DDHD1: variants seen among roughly 807,000 people sequenced by gnomAD.
DDHD1 encodes the protein DDHD domain containing 1.
DDHD1 carries 49 observed loss-of-function variants against 96.4 expected under a neutral mutation model. The ratio of observed to expected loss-of-function variants is 0.51; its 90% CI spans 0.40 to 0.64. DDHD1 has a LOEUF of 0.64. DDHD1 is among the 30% of genes least tolerant of loss of function. DDHD1 has a pLI of 0.00. For synonymous variants in DDHD1, 442 were observed against 446.5 expected (o/e 0.99, Z 0.13); for missense variants, 1,106 against 1,161.2 (o/e 0.95, Z 0.69).
At chr14:53,103,353 A>G (rs1887452844) in intron 2 of DDHD1, 2 of 361,022 alleles carry the variant, frequency 5.5e-6, no homozygotes, top group African/African-American at 4.2e-5. Context: ...ATATAACAAC[A>G]AGGAATTTTT....
At position 53,064,431 on chromosome 14, in the gene DDHD1, C is replaced by T. The variant is rs191035192; in HGVS notation, c.1504-1226G>A. 2.6e-4 allele frequency among the ~76,000 whole-genome samples: 40 copies of T among 152,036 alleles called. 1 individual carries two copies. The highest frequency in any genetic ancestry group is 2.6e-3 in the Admixed American group (40 of 15,268). ...GTTTTTATAAAATACCAGCTTACTC[C>T]CATATTAAAGTTTGTTAAAAAAGGA... On this transcript the variant is annotated intron_variant, in intron 6 of 12. Coordinates refer to ENST00000673822, the MANE Select transcript of DDHD1 (RefSeq NM_001160148.2).
intron 7 of DDHD1, among the ~76,000 whole-genome samples, chr14:53,061,895 G>T (rs548790320): frequency 6.6e-6 from 1 of 151,872 alleles, no homozygotes. Flanking sequence ...TGAGCCGGGC[G>T]TGGTAGCAGT....
intron 4 of DDHD1, among the ~76,000 whole-genome samples, chr14:53,084,595 A>G (rs1005214484): frequency 1.1e-4 from 16 of 152,226 alleles, no homozygotes; most frequent in African/African-American, 3.9e-4. Context: ...GAAAAGGATC[A>G]AGGTTGGCCT....
At position 53,103,958 on chromosome 14, in the gene DDHD1, AAC is replaced by A. The variant is rs375943259; in HGVS notation, c.839-104_839-103del. ...TATATTTTGCTACTGCTGTCACAAA[AAC>A]AGATTTTCATGACCCAATACAATCA... On this transcript the variant is annotated intron_variant, in intron 1 of 12. Coordinates refer to ENST00000673822, the MANE Select transcript of DDHD1 (RefSeq NM_001160148.2). The A allele has an allele frequency of 4.5e-5, 47 of 1,048,002 alleles. No homozygotes were observed. The East Asian group carries it at 1.1e-3, about 24-fold the overall frequency. The allele number at this position is 1,048,002 out of a possible 1,614,324, so 64.9% of individuals were successfully genotyped here. A position where few individuals can be genotyped will look rare whatever the true frequency, so the allele number is the denominator to read the frequency against.
chr14:53,081,617 C>A (rs1359568468), intron 4 of DDHD1, among the ~76,000 whole-genome samples: 1 of 152,112 alleles, frequency 6.6e-6, no homozygotes, highest in Admixed American at 6.5e-5. Flanking sequence ...AATGCACAGG[C>A]CAGCCATCAT....
At chr14:53,074,869 T>G (rs1478006995) in intron 4 of DDHD1, among the ~76,000 whole-genome samples, 1 of 152,188 alleles carries the variant, frequency 6.6e-6, no homozygotes, top group Non-Finnish European at 1.5e-5. Flanking sequence ...CAACAGCATG[T>G]GCTCACTCTG....
chr14:53,152,666 G>T lies in DDHD1; in HGVS notation c.433C>A (p.Arg145Ser). 1 of 1,612,866 alleles carries T rather than the reference G, an allele frequency of 6.2e-7. No homozygotes were observed. The highest frequency in any genetic ancestry group is 8.5e-7 in the Non-Finnish European group (1 of 1,179,810). The change falls in exon 1 of 13, where the codon CGT becomes AGT. Residue 145 changes from arginine to serine, a missense_variant. This residue lies in a region of DDHD1 where 456 missense variants were observed against 402.4 expected (regional missense o/e 1.13). Coordinates refer to ENST00000673822, the MANE Select transcript of DDHD1 (RefSeq NM_001160148.2). ...GCCGCCGGGCCGCCAAGCCGGGTAC[G>T]TTTCCTTTCCCCGGGGGACCCTCCT... is the stretch of plus-strand genomic sequence containing the variant. ...ATGGSPGERKRTRLGGPAARH... is the reference protein window; with the variant it reads ...ATGGSPGERKSTRLGGPAARH...
intron 1 of DDHD1, among the ~76,000 whole-genome samples, chr14:53,144,038 C>G (rs1478520220): frequency 6.6e-6 from 1 of 152,126 alleles, no homozygotes; most frequent in Non-Finnish European, 1.5e-5. Context: ...ATGATTCAAC[C>G]CAGTATTCCA....
rs962365049 is a variant in DDHD1 at position 53,072,781 on chromosome 14, G to A, written c.1397-78C>T. 4.3e-5 allele frequency: 37 copies of A among 861,692 alleles called. No individual in the cohort carries two copies. In the Middle Eastern group the frequency reaches 7.6e-4, roughly 18 times the overall value. The allele number at this position is 861,692 out of a possible 1,614,324, so 53.4% of individuals were successfully genotyped here. On this transcript the variant is annotated intron_variant, in intron 5 of 12. Transcript: ENST00000673822. ...GGAAAGTAATAGTGAAGAAAATTAC[G>A]TTGCCTGAAATAGTAACTATTTAAG...
chr14:53,046,757 T>C lies in DDHD1; in HGVS notation c.*11A>G, dbSNP rs1172912522. 2 of 1,376,542 alleles carry C rather than the reference T, an allele frequency of 1.5e-6. No individual in the cohort carries two copies. Among genetic ancestry groups the C allele is most frequent in the Admixed American group, 2.9e-5 (1 of 34,386 alleles). 85.3% of individuals were successfully genotyped at this position (1,376,542 alleles called of 1,614,324 possible). A position where few individuals can be genotyped will look rare whatever the true frequency, so the allele number is the denominator to read the frequency against. On this transcript the variant is annotated 3_prime_UTR_variant, in exon 13 of 13. Transcript: ENST00000673822. ...AATCAGTTTTAGGCCATTCATGTCC[T>C]TCAAGAGAGTTCAGATTGGATCTAA...
At chr14:53,136,456 A>G (rs774784627) in intron 1 of DDHD1, among the ~76,000 whole-genome samples, 6 of 152,206 alleles carry the variant, frequency 3.9e-5, no homozygotes, top group Non-Finnish European at 8.8e-5. Flanking sequence ...TTTGTGAGGC[A>G]CAATGTAGTA....
At position 53,038,523 on chromosome 14, in the gene DDHD1, C is replaced by T. The variant is rs761969978; in HGVS notation, c.*8245G>A. On this transcript the variant is annotated 3_prime_UTR_variant, in exon 13 of 13. Coordinates refer to ENST00000673822, the MANE Select transcript of DDHD1 (RefSeq NM_001160148.2). Reference sequence around the variant, plus strand: ...TGGCAGAAAGAAATCAGGGATGAAACCAAAAAATGGAAAAACATTCCATGT... The same window carrying T: ...TGGCAGAAAGAAATCAGGGATGAAATCAAAAAATGGAAAAACATTCCATGT... The T allele has an allele frequency of 3.3e-5, 5 of 151,942 alleles. No individual in the cohort carries two copies. Among genetic ancestry groups the T allele is most frequent in the Non-Finnish European group, 7.4e-5 (5 of 67,950 alleles). 9.4% of individuals were successfully genotyped at this position (151,942 alleles called of 1,614,324 possible).
At chr14:53,118,706 C>A (rs966227023) in intron 1 of DDHD1, among the ~76,000 whole-genome samples, 2 of 152,014 alleles carry the variant, frequency 1.3e-5, no homozygotes, top group African/African-American at 2.4e-5. Flanking sequence ...AGAAAGTGAC[C>A]GGGAGAATGG....
chr14:53,094,147 C>A (rs957951586), intron 2 of DDHD1, among the ~76,000 whole-genome samples: 44 of 151,186 alleles, frequency 2.9e-4, no homozygotes, highest in Admixed American at 2.8e-3. Context: ...ACTGCACTCC[C>A]GCCTGGGCTA....
At chr14:53,113,838 T>C (rs1306566731) in intron 1 of DDHD1, among the ~76,000 whole-genome samples, 1 of 152,134 alleles carries the variant, frequency 6.6e-6, no homozygotes, top group African/African-American at 2.4e-5. Flanking sequence ...CAGGAGTTTT[T>C]TTCAAAACCC....
In DDHD1 at chr14:53,044,509, A is replaced by C. The variant is rs146396409; in HGVS notation, c.*2259T>G. On this transcript the variant is annotated 3_prime_UTR_variant, in exon 13 of 13. Coordinates refer to ENST00000673822, the MANE Select transcript of DDHD1 (RefSeq NM_001160148.2). The stretch of plus-strand genomic sequence containing the variant: ...TTTGAGTGTCATACCACCTACAGCA[A>C]CATACGCTCAAGTACCTTTAACGAT... The C allele has an allele frequency of 2.0e-3, 304 of 152,304 alleles. 1 individual carries two copies. Among genetic ancestry groups the C allele is most frequent in the African/African-American group, 6.9e-3 (287 of 41,568 alleles). 9.4% of individuals were successfully genotyped at this position (152,304 alleles called of 1,614,324 possible). A position where few individuals can be genotyped will look rare whatever the true frequency, so the allele number is the denominator to read the frequency against.
At position 53,093,509 on chromosome 14, in the gene DDHD1, A is replaced by ATC. The variant is rs1886613771; in HGVS notation, c.1013-66_1013-65insGA. ...ACAAACTTTATTTGTTTGAAGAATT[A>ATC]TAACACTCAGATTTTAAAATCAATA... On this transcript the variant is annotated intron_variant, in intron 2 of 12. Transcript: ENST00000673822. The ATC allele has an allele frequency of 5.1e-6, 8 of 1,567,742 alleles. No homozygotes were observed. The Admixed American group carries it at 1.6e-4, about 32-fold the overall frequency.
At chr14:53,082,480 C>T (rs551439296) in intron 4 of DDHD1, among the ~76,000 whole-genome samples, 31 of 142,066 alleles carry the variant, frequency 2.2e-4, no homozygotes, top group African/African-American at 8.1e-4. Flanking sequence ...TGAGGTTGGC[C>T]GGGCATGGTG....
chr14:53,092,618 G>C (rs1378656050), intron 3 of DDHD1: 1 of 152,172 alleles, frequency 6.6e-6, no homozygotes, highest in Non-Finnish European at 1.5e-5. Context: ...CAAGGCGAGA[G>C]GATGGCTTGT....
Sources: gnomAD v4.1 joint callset for allele counts (sites outside exome capture counted in the v4.1 genomes callset) on GRCh38, gnomAD v4.1.1 for gene constraint, gnomAD v4.1.1 regional missense constraint, MANE v1.5 for transcripts, NCBI Gene and HGNC (gene_info 2026-07-23, HGNC 2026-07-21) for gene names.